The following GALNTL6 variants were observed in gnomAD, a reference collection of about 807,000 sequenced individuals.
GALNTL6 encodes the protein polypeptide N-acetylgalactosaminyltransferase like 6.
In GALNTL6, 46 loss-of-function variants were observed where a neutral mutation model predicts 73.7. The observed-to-expected ratio is 0.62, with a 90% CI of 0.49 to 0.80. GALNTL6 has a LOEUF of 0.80. Among genes scored for constraint, GALNTL6 ranks in the 30% least tolerant of loss-of-function variants. GALNTL6 has a pLI of 0.00. For synonymous variants in GALNTL6, 259 were observed against 263.7 expected, an observed-to-expected ratio of 0.98 and a Z score of 0.17; for missense variants, 604 against 755.0, an observed-to-expected ratio of 0.80 and a Z score of 2.34.
intron 2 of GALNTL6, among the ~76,000 whole-genome samples, chr4:171,999,899 A>G (rs545397710): frequency 1.4e-4 from 22 of 152,304 alleles, no homozygotes; most frequent in African/African-American, 5.3e-4. Flanking sequence ...AACATAGCCT[A>G]ACACCGATAT....
chr4:172,711,274 CAT>C (rs1219169395), intron 5 of GALNTL6, among the ~76,000 whole-genome samples: 4 of 152,236 alleles, frequency 2.6e-5, no homozygotes, highest in South Asian at 2.1e-4. Flanking sequence ...GCCGCGTACA[CAT>C]GTCTTAGGTG....
At chr4:172,515,753 A>G (rs945139233) in intron 5 of GALNTL6, among the ~76,000 whole-genome samples, 1 of 152,194 alleles carries the variant, frequency 6.6e-6, no homozygotes, top group Non-Finnish European at 1.5e-5. Context: ...GGGCAATTCC[A>G]GAGAGACACT....
At chr4:172,564,685 A>AT (rs2110933863) in intron 5 of GALNTL6, among the ~76,000 whole-genome samples, 1 of 152,340 alleles carries the variant, frequency 6.6e-6, no homozygotes, top group Admixed American at 6.5e-5. Context: ...AAGGGGAAAG[A>AT]TAAAAACAAA....
intron 2 of GALNTL6, among the ~76,000 whole-genome samples, chr4:171,936,357 T>A (rs1242136408): frequency 6.6e-6 from 1 of 152,184 alleles, no homozygotes; most frequent in Non-Finnish European, 1.5e-5. Context: ...AGAAGCTATT[T>A]TTTTTTCTTC....
intron 2 of GALNTL6, among the ~76,000 whole-genome samples, chr4:172,006,787 T>C (rs1049581653): frequency 2.0e-5 from 3 of 152,094 alleles, no homozygotes; most frequent in African/African-American, 7.2e-5. Context: ...CATCACGGCA[T>C]ACATGATACT....
chr4:173,038,009 C>T (rs1404869471), intron 12 of GALNTL6, among the ~76,000 whole-genome samples: 1 of 152,194 alleles, frequency 6.6e-6, no homozygotes, highest in East Asian at 1.9e-4. Context: ...TCCCAAAGTG[C>T]TGGAATCACA....
At chr4:171,823,346 G>T (rs1734733574) in intron 2 of GALNTL6, among the ~76,000 whole-genome samples, 1 of 152,016 alleles carries the variant, frequency 6.6e-6, no homozygotes, top group Non-Finnish European at 1.5e-5. Context: ...AGATTGAGGG[G>T]ACAGTCCCAA....
At chr4:172,996,163 GACACACAC>G (rs10658403) in intron 10 of GALNTL6, among the ~76,000 whole-genome samples, 2 of 148,204 alleles carry the variant, frequency 1.3e-5, no homozygotes, top group African/African-American at 2.5e-5. Flanking sequence ...AAGAAAATGT[GACACACAC>G]ACACACACAC....
chr4:172,677,198 T>G (rs1407434437), intron 5 of GALNTL6, among the ~76,000 whole-genome samples: 1 of 152,244 alleles, frequency 6.6e-6, no homozygotes, highest in Non-Finnish European at 1.5e-5. Context: ...GAAAATGTGC[T>G]GTATTCATGT....
intron 5 of GALNTL6, among the ~76,000 whole-genome samples, chr4:172,754,644 A>G (rs1257834674): frequency 6.6e-6 from 1 of 152,174 alleles, no homozygotes; most frequent in African/African-American, 2.4e-5. Flanking sequence ...TATCAAAAGT[A>G]TCTCCTATCT....
intron 5 of GALNTL6, among the ~76,000 whole-genome samples, chr4:172,582,363 T>C (rs953928990): frequency 6.6e-6 from 1 of 152,168 alleles, no homozygotes; most frequent in African/African-American, 2.4e-5. Flanking sequence ...ATAGTATGGC[T>C]ATCCCTTGGT....
At chr4:172,398,816 T>G (rs1320854243) in intron 5 of GALNTL6, among the ~76,000 whole-genome samples, 1 of 152,174 alleles carries the variant, frequency 6.6e-6, no homozygotes, top group East Asian at 1.9e-4. Flanking sequence ...TGATAAGTAT[T>G]TTTTGGAGGT....
At chr4:173,012,054 C>T (rs1199127905) in intron 11 of GALNTL6, among the ~76,000 whole-genome samples, 1 of 152,176 alleles carries the variant, frequency 6.6e-6, no homozygotes, top group Non-Finnish European at 1.5e-5. Context: ...CAGGTGCATA[C>T]CACCAAGCTC....
At chr4:172,548,633 T>C (rs1320459904) in intron 5 of GALNTL6, among the ~76,000 whole-genome samples, 1 of 152,218 alleles carries the variant, frequency 6.6e-6, no homozygotes, top group African/African-American at 2.4e-5. Flanking sequence ...AATCTAATGA[T>C]TGCTTTCATA....
intron 3 of GALNTL6, among the ~76,000 whole-genome samples, chr4:172,252,853 T>C (rs1267912075): frequency 6.6e-6 from 1 of 151,648 alleles, no homozygotes; most frequent in Non-Finnish European, 1.5e-5. Flanking sequence ...CATATGGTTA[T>C]GAGTGCCAGA....
At chr4:172,034,927 T>C (rs1741888350) in intron 2 of GALNTL6, among the ~76,000 whole-genome samples, 1 of 152,270 alleles carries the variant, frequency 6.6e-6, no homozygotes, top group Middle Eastern at 3.4e-3. Flanking sequence ...GAAGAATTGA[T>C]GCAAAATATA....
chr4:172,901,372 T>C (rs1019432324), intron 8 of GALNTL6, among the ~76,000 whole-genome samples: 1 of 152,116 alleles, frequency 6.6e-6, no homozygotes, highest in African/African-American at 2.4e-5. Context: ...GTAATAAAAA[T>C]AGAAGATAAA....
At chr4:172,744,043 T>G (rs577926957) in intron 5 of GALNTL6, among the ~76,000 whole-genome samples, 1 of 152,232 alleles carries the variant, frequency 6.6e-6, no homozygotes, top group South Asian at 2.1e-4. Flanking sequence ...AGAGTTCTAC[T>G]TAGCCCTTCC....
At chr4:172,204,767 A>C (rs1002995768) in intron 2 of GALNTL6, among the ~76,000 whole-genome samples, 2 of 152,208 alleles carry the variant, frequency 1.3e-5, no homozygotes, top group African/African-American at 4.8e-5. Context: ...AAACTATTTT[A>C]AAAAGTCAAT....
Sources: gnomAD v4.1 joint callset for allele counts (sites outside exome capture counted in the v4.1 genomes callset) on GRCh38, gnomAD v4.1.1 for gene constraint, MANE v1.5 for transcripts, NCBI Gene and HGNC (gene_info 2026-07-23, HGNC 2026-07-21) for gene names.